The following STRADB variants were observed in gnomAD, a reference collection of about 807,000 sequenced individuals.
STRADB encodes the protein STE20 related adaptor beta, also known as STE20-related kinase adapter protein beta.
Under a neutral mutation model 52.1 loss-of-function variants are expected in STRADB, and 34 were observed. The observed-to-expected ratio is 0.65, with a 90% confidence interval of 0.50 to 0.87. The LOEUF (loss-of-function observed/expected upper bound fraction) is 0.87, where lower values mean the gene tolerates loss of function less well. Ranked by LOEUF, STRADB falls within the 40% of genes least tolerant of loss-of-function variation. The pLI, the probability that STRADB is intolerant of heterozygous loss-of-function variation, is 0.00. For synonymous variants in STRADB, 133 were observed against 174.5 expected, an observed-to-expected ratio of 0.76 and a Z score of 1.87; for missense variants, 340 against 483.9, an observed-to-expected ratio of 0.70 and a Z score of 2.79.
chr2:201,469,618 C>G (rs922130108), intron 3 of STRADB, among the ~76,000 whole-genome samples: 14 of 152,214 alleles, frequency 9.2e-5, no homozygotes, highest in African/African-American at 3.1e-4. Context: ...TCACAGGTCC[C>G]TGCAGCTCTT....
chr2:201,466,875 C>T (rs997890044), intron 3 of STRADB, among the ~76,000 whole-genome samples: 1 of 152,034 alleles, frequency 6.6e-6, no homozygotes, highest in Non-Finnish European at 1.5e-5. Flanking sequence ...AAAAAGAGCT[C>T]CATCATAGAA....
chr2:201,452,802 T>TG (rs1952067605), intron 1 of STRADB, among the ~76,000 whole-genome samples: 1 of 152,196 alleles, frequency 6.6e-6, no homozygotes, highest in Non-Finnish European at 1.5e-5. Flanking sequence ...CTACAGAAAG[T>TG]GTTAATCTTT....
At position 201,474,186 on chromosome 2, in the gene STRADB, G is replaced by A. The variant is rs557489666; in HGVS notation, c.316-461G>A. On this transcript the variant is annotated intron_variant, in intron 5 of 11. Coordinates refer to ENST00000194530, the MANE Select transcript of STRADB (RefSeq NM_018571.6). Reference sequence around the variant, plus strand: ...ATTACAGGCGTGAGCCACCGTGCCCGGCCCCAATTCTTAAAATATTTATAT... The same window carrying A: ...ATTACAGGCGTGAGCCACCGTGCCCAGCCCCAATTCTTAAAATATTTATAT... 2.2e-3 allele frequency among the ~76,000 whole-genome samples: 335 copies of A among 152,098 alleles called. 2 individuals are homozygous for A. Among genetic ancestry groups the A allele is most frequent in the African/African-American group, 7.9e-3 (328 of 41,494 alleles).
At chr2:201,474,416 A>G (rs551207506) in intron 5 of STRADB, among the ~76,000 whole-genome samples, 1 of 152,284 alleles carries the variant, frequency 6.6e-6, no homozygotes, top group South Asian at 2.1e-4. Flanking sequence ...TATTAATTGC[A>G]TGCTTTTGGA....
chr2:201,470,046 G>T lies in STRADB; in HGVS notation c.187G>T (p.Glu63Ter). ...CGTTTCTCACTATGAGCTCCAAGTA[G>T]AAATAGGTAATAATCCTGAATTTCT... Reference protein sequence around the residue: ...TNVSHYELQVEIGRGFDNLTS... With the variant: ...TNVSHYELQV The change falls in exon 4 of 12, where the codon GAA (glutamate) becomes TAA (stop). Residue 63 changes from glutamate to a stop codon, truncating the protein, a stop_gained. Transcript: ENST00000194530. LOFTEE classifies it high-confidence loss of function. 1 of 1,608,898 alleles carries T rather than the reference G, an allele frequency of 6.2e-7. No homozygotes were observed. Among genetic ancestry groups the T allele is most frequent in the Non-Finnish European group, 8.5e-7 (1 of 1,175,246 alleles).
At position 201,480,247 on chromosome 2, in the gene STRADB, G is replaced by A; in HGVS notation, c.*72G>A. ...GCTGCTTTTTCTTCTGTATTTCTAG[G>A]TACAAATACCAGAATTATACTTGAA... On this transcript the variant is annotated 3_prime_UTR_variant, in exon 12 of 12. Coordinates refer to ENST00000194530, the MANE Select transcript of STRADB (RefSeq NM_018571.6). 1 of 1,586,024 alleles carries A rather than the reference G, an allele frequency of 6.3e-7. No homozygotes were observed. The highest frequency in any genetic ancestry group is 1.8e-5 in the Admixed American group (1 of 55,518).
At position 201,470,051 on chromosome 2, in the gene STRADB, A is replaced by G. The variant is rs1281433863; in HGVS notation, c.192A>G (p.Ile64Met). 1.9e-6 allele frequency: 3 copies of G among 1,604,952 alleles called. No individual in the cohort carries two copies. The highest frequency in any genetic ancestry group is 2.6e-6 in the Non-Finnish European group (3 of 1,171,728). ...CTCACTATGAGCTCCAAGTAGAAAT[A>G]GGTAATAATCCTGAATTTCTAATTG... ...NVSHYELQVE[I>M]GRGFDNLTSV... The change falls in exon 4 of 12, where the codon ATA becomes ATG. Residue 64 changes from isoleucine to methionine, a missense_variant and splice_region_variant. Ile to Met is a conservative substitution (Grantham distance 10). Coordinates refer to ENST00000194530, the MANE Select transcript of STRADB (RefSeq NM_018571.6).
chr2:201,469,939 A>G lies in STRADB; in HGVS notation c.94-14A>G, dbSNP rs540388237. ...GTTCATCTATTTTGTTTTTATCTTT[A>G]AAAACAAATGCAGGTTGATGAGCCA... On this transcript the variant is annotated splice_polypyrimidine_tract_variant and intron_variant, in intron 3 of 11. Transcript: ENST00000194530. The G allele has an allele frequency of 3.7e-6, 6 of 1,606,590 alleles. No individual in the cohort carries two copies. Among genetic ancestry groups the G allele is most frequent in the South Asian group, 1.1e-5 (1 of 90,784 alleles).
intron 6 of STRADB, among the ~76,000 whole-genome samples, chr2:201,474,960 C>T (rs1377547768): frequency 6.6e-6 from 1 of 152,140 alleles, no homozygotes; most frequent in Non-Finnish European, 1.5e-5. Context: ...ATCAGTGAAC[C>T]ACCACTGCTT....
chr2:201,480,803 A>C lies in STRADB; in HGVS notation c.*628A>C. The C allele has an allele frequency of 2.0e-6, 2 of 985,742 alleles. No homozygotes were observed. Among genetic ancestry groups the C allele is most frequent in the Non-Finnish European group, 2.4e-6 (2 of 829,928 alleles). 61.1% of individuals were successfully genotyped at this position (985,742 alleles called of 1,614,324 possible). The stretch of plus-strand genomic sequence containing the variant: ...TACTTATGTAAATTATAGATCCTAA[A>C]TTCACGCACCCCGTGGGAGCTCAAT... On this transcript the variant is annotated 3_prime_UTR_variant, in exon 12 of 12. Transcript: ENST00000194530.
intron 3 of STRADB, among the ~76,000 whole-genome samples, chr2:201,465,648 C>T (rs1952289348): frequency 6.6e-6 from 1 of 152,180 alleles, no homozygotes; most frequent in Non-Finnish European, 1.5e-5. Context: ...TCCACTGGCT[C>T]CAAGCCCAGC....
At chr2:201,466,536 CT>C (rs967240110) in intron 3 of STRADB, among the ~76,000 whole-genome samples, 2 of 152,152 alleles carry the variant, frequency 1.3e-5, no homozygotes, top group Non-Finnish European at 2.9e-5. Flanking sequence ...CATCTGTTGT[CT>C]TTTCTTTGGA....
chr2:201,470,769 G>A (rs376922529), intron 4 of STRADB, among the ~76,000 whole-genome samples: 7 of 152,192 alleles, frequency 4.6e-5, no homozygotes, highest in Admixed American at 1.3e-4. Context: ...GCAAAAAGGG[G>A]CTGGATCTTG....
chr2:201,458,701 A>G (rs1952165750), intron 2 of STRADB, 83 bp from the exon 3 acceptor site: 9 of 1,258,756 alleles, frequency 7.1e-6, no homozygotes, highest in Non-Finnish European at 1.0e-5. Context: ...CACTGTAGTC[A>G]TTAGACCTTT....
At chr2:201,479,229 A>G (rs775123559) in intron 10 of STRADB, 49 of 371,494 alleles carry the variant, frequency 1.3e-4, no homozygotes, top group Non-Finnish European at 2.1e-4. Context: ...TAAAATGTAA[A>G]TTGCTGCTAC....
In STRADB at chr2:201,480,740, G is replaced by A. The variant is rs1022147107; in HGVS notation, c.*565G>A. 1.0e-6 allele frequency: 1 copy of A among 984,556 alleles called. No homozygotes were observed. The highest frequency in any genetic ancestry group is 6.2e-5 in the Admixed American group (1 of 16,256). The allele number at this position is 984,556 out of a possible 1,614,324, so 61.0% of individuals were successfully genotyped here. A position where few individuals can be genotyped will look rare whatever the true frequency, so the allele number is the denominator to read the frequency against. On this transcript the variant is annotated 3_prime_UTR_variant, in exon 12 of 12. Coordinates refer to ENST00000194530, the MANE Select transcript of STRADB (RefSeq NM_018571.6). ...GAAATATATACAGAAATTGTAATTT[G>A]CTTTTTTTTAAACAAGGGGGCTAAA...
Position 201,454,762 on chromosome 2 carries a change from C to T in STRADB, c.-79C>T. The T allele has an allele frequency of 7.2e-7, 1 of 1,393,558 alleles. No individual in the cohort carries two copies. The highest frequency in any genetic ancestry group is 9.9e-7 in the Non-Finnish European group (1 of 1,010,654). 86.3% of individuals were successfully genotyped at this position (1,393,558 alleles called of 1,614,324 possible). On this transcript the variant is annotated 5_prime_UTR_variant, in exon 2 of 12. Transcript: ENST00000194530. ...TTTTTATAGTAGGATATATCTGCATCTTGAAAGGAAGATAAAACAAAAGCC... is the reference window on the plus strand; with the variant it reads ...TTTTTATAGTAGGATATATCTGCATTTTGAAAGGAAGATAAAACAAAAGCC...
chr2:201,477,219 C>T lies in STRADB; in HGVS notation c.549-400C>T, dbSNP rs537582369. On this transcript the variant is annotated intron_variant, in intron 7 of 11. Transcript: ENST00000194530. ...AGCTGGGACTACAGGCACCTGCCAC[C>T]ACGCCTGGCTAATTTTTTATATTTT... 1.7e-3 allele frequency among the ~76,000 whole-genome samples: 254 copies of T among 151,312 alleles called. 6 individuals are homozygous for T. The highest frequency in any genetic ancestry group is 2.0e-3 in the Non-Finnish European group (134 of 67,808).
At chr2:201,473,391 CA>C (rs1347638885) in intron 5 of STRADB, among the ~76,000 whole-genome samples, 1 of 152,100 alleles carries the variant, frequency 6.6e-6, no homozygotes, top group African/African-American at 2.4e-5. Context: ...AGGAGGCGGT[CA>C]GGGGATGCAG....
Sources: gnomAD v4.1 joint callset for allele counts (sites outside exome capture counted in the v4.1 genomes callset) on GRCh38, gnomAD v4.1.1 for gene constraint, MANE v1.5 for transcripts, NCBI Gene and HGNC (gene_info 2026-07-23, HGNC 2026-07-21) for gene names.